The following ATP6V0A4 variants were observed in gnomAD, a reference collection of about 807,000 sequenced individuals.
The protein encoded by ATP6V0A4 is ATPase H+ transporting V0 subunit a4, also known as V-type proton ATPase 116 kDa subunit a 4.
A neutral mutation model predicts 107.3 loss-of-function variants in ATP6V0A4; 86 were observed. The observed-to-expected ratio is 0.80, with a 90% CI of 0.67 to 0.96. The LOEUF is 0.96. Among genes scored for constraint, ATP6V0A4 ranks in the 40% least tolerant of loss-of-function variants. The pLI is 0.00. For missense variants in ATP6V0A4, 908 were observed against 1,045.6 expected, an observed-to-expected ratio of 0.87 and a Z score of 1.81; for synonymous variants, 353 against 381.4, an observed-to-expected ratio of 0.93 and a Z score of 0.87.
intron 19 of ATP6V0A4, among the ~76,000 whole-genome samples, chr7:138,721,564 G>A (rs140620293): frequency 6.6e-6 from 1 of 152,224 alleles, no homozygotes; most frequent in East Asian, 1.9e-4. Flanking sequence ...GCTTATAGGG[G>A]CGTGGTGCTG....
chr7:138,781,076 G>A (rs1388357508), intron 2 of ATP6V0A4, among the ~76,000 whole-genome samples: 2 of 152,170 alleles, frequency 1.3e-5, no homozygotes, highest in African/African-American at 4.8e-5. Flanking sequence ...TGTCATCAGT[G>A]TAATAGACCA....
chr7:138,736,547 G>C (rs1396323827), intron 15 of ATP6V0A4, among the ~76,000 whole-genome samples: 1 of 152,010 alleles, frequency 6.6e-6, no homozygotes, highest in Non-Finnish European at 1.5e-5. Flanking sequence ...GCAATCCTAG[G>C]AGTTAGGGCT....
chr7:138,733,163 CAAAGCACA>C lies in ATP6V0A4; in HGVS notation c.1692-78_1692-71del, dbSNP rs977727080. The C allele has an allele frequency of 5.3e-5, 85 of 1,594,540 alleles. No individual in the cohort carries two copies. In the African/African-American group the frequency reaches 1.1e-3, roughly 20 times the overall value. ...GAACGTTAGGACTTAATTATTCTCT[CAAAGCACA>C]AAAGCACAAAATGTTCTATCTTTTT... On this transcript the variant is annotated intron_variant, in intron 16 of 21. Coordinates refer to ENST00000310018, the MANE Select transcript of ATP6V0A4 (RefSeq NM_020632.3).
intron 20 of ATP6V0A4, 144 bp from the exon 21 acceptor site, chr7:138,709,939 C>G (rs1803656316): frequency 1.0e-6 from 1 of 975,052 alleles, no homozygotes. Flanking sequence ...GTCTCCAACT[C>G]CTGGCCTGAA....
intron 17 of ATP6V0A4, among the ~76,000 whole-genome samples, chr7:138,729,164 A>G (rs188347039): frequency 1.3e-3 from 201 of 152,312 alleles, no homozygotes; most frequent in African/African-American, 4.5e-3. Context: ...CGCATGAAAC[A>G]TTATAAAGGC....
At chr7:138,707,191 A>ATAATATAT (rs1803443081) in intron 21 of ATP6V0A4, among the ~76,000 whole-genome samples, 2 of 71,320 alleles carry the variant, frequency 2.8e-5, no homozygotes, top group Non-Finnish European at 4.7e-5. Context: ...AATATATTAT[A>ATAATATAT]TATATTATAT....
chr7:138,784,220 ATATATATATATATACG>A (rs1432787547), intron 2 of ATP6V0A4, among the ~76,000 whole-genome samples: 2,063 of 88,972 alleles, frequency 0.023, 49 homozygotes, highest in South Asian at 0.072. Flanking sequence ...AACATTATAT[ATATATATATATATACG>A]TATATATATA....
At position 138,771,337 on chromosome 7, in the gene ATP6V0A4, A is replaced by C. The variant is rs2117338385; in HGVS notation, c.-17-73T>G. On this transcript the variant is annotated intron_variant, in intron 2 of 21. Transcript: ENST00000310018. Reference sequence around the variant, plus strand: ...GTGAAAACCTTAGGGTGAAATTTTTAAGTTAAATTAAAATCTAACAGGGAA... The same window carrying C: ...GTGAAAACCTTAGGGTGAAATTTTTCAGTTAAATTAAAATCTAACAGGGAA... The C allele has an allele frequency of 2.0e-6, 3 of 1,526,766 alleles. No individual in the cohort carries two copies. The East Asian group carries it at 6.9e-5, about 35-fold the overall frequency. The allele number at this position is 1,526,766 out of a possible 1,614,324, so 94.6% of individuals were successfully genotyped here. A position where few individuals can be genotyped will look rare whatever the true frequency, so the allele number is the denominator to read the frequency against.
chr7:138,795,399 T>C (rs1584958461), intron 1 of ATP6V0A4, among the ~76,000 whole-genome samples: 1 of 152,156 alleles, frequency 6.6e-6, no homozygotes, highest in Admixed American at 6.5e-5. Context: ...GATAGGATGG[T>C]CTCAGCTTAG....
chr7:138,716,582 G>GC (rs1804051171), intron 19 of ATP6V0A4, among the ~76,000 whole-genome samples: 2 of 93,268 alleles, frequency 2.1e-5, no homozygotes, highest in South Asian at 1.1e-3. Flanking sequence ...TTTTGGGGGG[G>GC]GGGGAGGGTC....
In ATP6V0A4 at chr7:138,759,767, C is replaced by T. The variant is rs1284203868; in HGVS notation, c.624G>A (p.Leu208=). 1.2e-6 allele frequency: 2 copies of T among 1,614,014 alleles called. No individual in the cohort carries two copies. Among genetic ancestry groups the T allele is most frequent in the South Asian group, 2.2e-5 (2 of 91,082 alleles). Residue 208 remains leucine, a synonymous_variant, in exon 8 of 22, where the codon CTG becomes CTA. Coordinates refer to ENST00000310018, the MANE Select transcript of ATP6V0A4 (RefSeq NM_020632.3). ...YLKFSEMDAP[L]EDPVTKEEIQ... ...AGGTTCCCACCGTCACAGGATCCTC[C>T]AGAGGGGCGTCCATCTCACTGAACT...
chr7:138,719,116 G>A (rs1473362746), intron 19 of ATP6V0A4, among the ~76,000 whole-genome samples: 1 of 152,080 alleles, frequency 6.6e-6, no homozygotes. Flanking sequence ...GGCTCAGGAG[G>A]TCAAGGCTGC....
Position 138,747,573 on chromosome 7 carries a change from G to C in ATP6V0A4, c.1181-9C>G, listed in dbSNP as rs777871664. 6.2e-7 allele frequency: 1 copy of C among 1,613,792 alleles called. No individual in the cohort carries two copies. Among genetic ancestry groups the C allele is most frequent in the Middle Eastern group, 1.7e-4 (1 of 6,022 alleles). On this transcript the variant is annotated splice_polypyrimidine_tract_variant and intron_variant, in intron 12 of 21. Transcript: ENST00000310018. The stretch of plus-strand genomic sequence containing the variant: ...GATGATGGTGTAGGGGGCTGCGGAG[G>C]GGAGACACACAACGCCTGAGGCCTC...
At chr7:138,724,740 G>A (rs1804621683) in intron 18 of ATP6V0A4, among the ~76,000 whole-genome samples, 1 of 152,048 alleles carries the variant, frequency 6.6e-6, no homozygotes, top group Non-Finnish European at 1.5e-5. Context: ...ATATATTACG[G>A]TTTCTCCATT....
intron 10 of ATP6V0A4, 30 bp from the exon 11 acceptor site, chr7:138,752,867 G>C: frequency 1.2e-6 from 2 of 1,611,394 alleles, no homozygotes; most frequent in Non-Finnish European, 1.7e-6. Context: ...CAGGAAAACA[G>C]AGAACCTTCA....
intron 1 of ATP6V0A4, among the ~76,000 whole-genome samples, chr7:138,789,191 G>T (rs1808291009): frequency 6.7e-6 from 1 of 149,468 alleles, no homozygotes; most frequent in African/African-American, 2.5e-5. Context: ...TCTGCACCAT[G>T]TGAAACTTAA....
intron 2 of ATP6V0A4, among the ~76,000 whole-genome samples, chr7:138,777,341 G>A (rs1298452203): frequency 2.6e-5 from 4 of 151,908 alleles, no homozygotes; most frequent in South Asian, 2.1e-4. Flanking sequence ...ATGGCCGGGC[G>A]CGGTGGCTCA....
At chr7:138,721,196 G>A (rs139912998) in intron 19 of ATP6V0A4, among the ~76,000 whole-genome samples, 319 of 152,220 alleles carry the variant, frequency 2.1e-3, no homozygotes, top group African/African-American at 7.3e-3. Flanking sequence ...GAGGGATGAG[G>A]GAACAAAACA....
chr7:138,730,931 C>CTTTTTTTT (rs66521953), intron 17 of ATP6V0A4, among the ~76,000 whole-genome samples: 7 of 123,750 alleles, frequency 5.7e-5, no homozygotes, highest in Non-Finnish European at 6.5e-5. Context: ...TCTTCTTCTT[C>CTTTTTTTT]TTTTTTTATT....
Sources: allele counts gnomAD v4.1 joint callset (sites outside exome capture counted in the v4.1 genomes callset), GRCh38; gene constraint gnomAD v4.1.1; transcripts MANE v1.5; gene names NCBI Gene and HGNC (gene_info 2026-07-23, HGNC 2026-07-21).